GNA14: variants seen among roughly 807,000 people sequenced by gnomAD.
GNA14 encodes the protein G protein subunit alpha 14.
A neutral mutation model predicts 42.0 loss-of-function variants in GNA14; 50 were observed. That is an observed-to-expected ratio of 1.19 (90% CI 0.95 to 1.51). The LOEUF (loss-of-function observed/expected upper bound fraction) is 1.51. Ranked by LOEUF, GNA14 falls within the 40% of genes most tolerant of loss-of-function variation. The probability of loss-of-function intolerance (pLI) is 0.00; values close to 1 mark genes in which losing one functional copy is unlikely to be tolerated. For synonymous variants in GNA14, 173 were observed against 163.1 expected (o/e 1.06, Z -0.46); for missense variants, 473 against 446.2 (o/e 1.06, Z -0.54).
chr9:77,568,910 G>T (rs1055216510), intron 1 of GNA14, among the ~76,000 whole-genome samples: 6 of 152,188 alleles, frequency 3.9e-5, no homozygotes, highest in Admixed American at 3.3e-4. Flanking sequence ...CTAATGGGAT[G>T]CAATTTGGAA....
chr9:77,583,476 G>A (rs1016716027), intron 1 of GNA14, among the ~76,000 whole-genome samples: 8 of 152,168 alleles, frequency 5.3e-5, no homozygotes, highest in African/African-American at 1.9e-4. Context: ...AAAACTGTTT[G>A]GAATTTTACT....
At chr9:77,637,034 G>T (rs960775631) in intron 1 of GNA14, among the ~76,000 whole-genome samples, 3 of 152,156 alleles carry the variant, frequency 2.0e-5, no homozygotes, top group Non-Finnish European at 2.9e-5. Context: ...AAGAGTACAT[G>T]CAAGTACAAG....
intron 2 of GNA14, among the ~76,000 whole-genome samples, chr9:77,502,296 T>A (rs1836989286): frequency 6.6e-6 from 1 of 152,212 alleles, no homozygotes; most frequent in Non-Finnish European, 1.5e-5. Context: ...TCGATTGTCC[T>A]TGTCATTCAG....
chr9:77,443,110 T>C (rs1163138215), intron 2 of GNA14, among the ~76,000 whole-genome samples: 1 of 152,160 alleles, frequency 6.6e-6, no homozygotes, highest in Non-Finnish European at 1.5e-5. Flanking sequence ...ATATAGAGAT[T>C]TGAACATACC....
intron 2 of GNA14, among the ~76,000 whole-genome samples, chr9:77,458,636 CT>C (rs1282953995): frequency 1.3e-5 from 2 of 152,170 alleles, no homozygotes; most frequent in Non-Finnish European, 2.9e-5. Flanking sequence ...AGAACTTGCA[CT>C]GAAGTCTCTT....
At chr9:77,592,297 T>C (rs1006400261) in intron 1 of GNA14, among the ~76,000 whole-genome samples, 1 of 152,074 alleles carries the variant, frequency 6.6e-6, no homozygotes, top group African/African-American at 2.4e-5. Context: ...AATTGTGTGG[T>C]GTGTGTGTGT....
intron 1 of GNA14, among the ~76,000 whole-genome samples, chr9:77,641,760 C>A (rs1824270964): frequency 6.6e-6 from 1 of 152,074 alleles, no homozygotes; most frequent in Non-Finnish European, 1.5e-5. Context: ...GGTGAACCAA[C>A]AAAACTGGGA....
rs12342296 is a variant in GNA14, at chr9:77,493,028, T to A, written c.309+36041A>T. On this transcript the variant is annotated intron_variant, in intron 2 of 6. Coordinates refer to ENST00000341700, the MANE Select transcript of GNA14 (RefSeq NM_004297.4). ...GAAAAAAAAAAAAAAAAAAAAAAAATATATATATATATATATATTTGGGAG... is the reference window on the plus strand; with the variant it reads ...GAAAAAAAAAAAAAAAAAAAAAAAAAATATATATATATATATATTTGGGAG... Among the ~76,000 whole-genome samples the A allele has an allele frequency of 4.1e-3, 387 of 94,892 alleles. 1 individual carries two copies. The highest frequency in any genetic ancestry group is 7.8e-3 in the African/African-American group (166 of 21,276). 62.3% of individuals were successfully genotyped at this position (94,892 alleles called of 152,430 possible).
At chr9:77,457,015 C>A (rs1379412727) in intron 2 of GNA14, among the ~76,000 whole-genome samples, 1 of 152,222 alleles carries the variant, frequency 6.6e-6, no homozygotes, top group African/African-American at 2.4e-5. Flanking sequence ...CTGTGACTCA[C>A]GACGCCACGT....
intron 1 of GNA14, among the ~76,000 whole-genome samples, chr9:77,591,664 C>T (rs566429912): frequency 7.2e-5 from 11 of 152,282 alleles, no homozygotes; most frequent in African/African-American, 2.6e-4. Context: ...TAGTGCGTGG[C>T]TCTCTTTGAT....
intron 1 of GNA14, among the ~76,000 whole-genome samples, chr9:77,602,924 A>G (rs1823591348): frequency 6.6e-6 from 1 of 152,196 alleles, no homozygotes; most frequent in African/African-American, 2.4e-5. Context: ...CTGGCCCCAC[A>G]AAGTATGTAG....
At chr9:77,575,717 A>G (rs1482791098) in intron 1 of GNA14, among the ~76,000 whole-genome samples, 1 of 152,228 alleles carries the variant, frequency 6.6e-6, no homozygotes, top group Non-Finnish European at 1.5e-5. Flanking sequence ...CATCTCCTAC[A>G]AATTACCATT....
At chr9:77,647,592 G>A (rs1824378765) in intron 1 of GNA14, 78 bp downstream of exon 1, 23 of 1,494,888 alleles carry the variant, frequency 1.5e-5, no homozygotes, top group Non-Finnish European at 1.9e-5. Context: ...CCAGGGCCGC[G>A]CGGGTGCCAG....
chr9:77,504,307 C>T, intron 2 of GNA14, among the ~76,000 whole-genome samples: 1 of 152,086 alleles, frequency 6.6e-6, no homozygotes. Flanking sequence ...TGAGACTATA[C>T]AAACCAGATC....
chr9:77,462,918 A>C (rs1040873560), intron 2 of GNA14, among the ~76,000 whole-genome samples: 4 of 152,090 alleles, frequency 2.6e-5, no homozygotes, highest in African/African-American at 9.7e-5. Flanking sequence ...TGCTGCACTT[A>C]GTCTTCCCTG....
chr9:77,505,316 A>G (rs1032923042), intron 2 of GNA14, among the ~76,000 whole-genome samples: 1 of 152,240 alleles, frequency 6.6e-6, no homozygotes, highest in Non-Finnish European at 1.5e-5. Context: ...GGCTCTTTGA[A>G]TAACGGCATG....
At chr9:77,538,850 G>T (rs1175302714) in intron 1 of GNA14, among the ~76,000 whole-genome samples, 1 of 152,112 alleles carries the variant, frequency 6.6e-6, no homozygotes, top group Non-Finnish European at 1.5e-5. Flanking sequence ...GTTTTCCTAG[G>T]TATGAAATCA....
chr9:77,617,557 ACC>A (rs1823843152), intron 1 of GNA14, among the ~76,000 whole-genome samples: 1 of 152,048 alleles, frequency 6.6e-6, no homozygotes, highest in African/African-American at 2.4e-5. Flanking sequence ...TCCTGCCTCC[ACC>A]ATTACCACAT....
intron 4 of GNA14, 124 bp from the exon 5 acceptor site, chr9:77,429,160 G>A (rs1564011118): frequency 1.1e-6 from 1 of 877,944 alleles, no homozygotes; most frequent in East Asian, 2.5e-5. Context: ...AGAGAGAAAA[G>A]AGGTTCTAAG....
Sources: gnomAD v4.1 joint callset for allele counts (sites outside exome capture counted in the v4.1 genomes callset) on GRCh38, gnomAD v4.1.1 for gene constraint, MANE v1.5 for transcripts, NCBI Gene and HGNC (gene_info 2026-07-23, HGNC 2026-07-21) for gene names.